The following DEFB119 variants were observed in gnomAD, a reference collection of about 807,000 sequenced individuals.
DEFB119 encodes the protein defensin beta 119.
Under a neutral mutation model 2.5 loss-of-function variants are expected in DEFB119, and 3 were observed. The ratio of observed to expected loss-of-function variants is 1.19; its 90% CI spans 0.54 to 3.07. DEFB119 has a LOEUF of 3.07. Ranked by LOEUF, DEFB119 falls within the 30% of genes most tolerant of loss-of-function variation. The pLI is 0.03. For synonymous variants in DEFB119, 29 were observed against 33.7 expected (o/e 0.86, Z 0.48); for missense variants, 113 against 101.1 (o/e 1.12, Z -0.50).
chr20:31,378,422 C>T (rs867308183), intron 1 of DEFB119: 1 of 1,613,578 alleles, frequency 6.2e-7, no homozygotes, highest in African/African-American at 1.3e-5. Context: ...CAACAAAGAT[C>T]ATTGAAATAT....
At chr20:31,389,007 C>A in intron 1 of DEFB119, 1 of 1,612,676 alleles carries the variant, frequency 6.2e-7, no homozygotes, top group Non-Finnish European at 8.5e-7. Flanking sequence ...CCCTAAGCAA[C>A]CTGAAACAAA....
At chr20:31,384,828 T>C (rs1013515300) in intron 1 of DEFB119, among the ~76,000 whole-genome samples, 4 of 152,218 alleles carry the variant, frequency 2.6e-5, no homozygotes, top group Non-Finnish European at 5.9e-5. Flanking sequence ...TCACTTCATG[T>C]GAGTGGTAAG....
chr20:31,385,531 G>A (rs1600513547), intron 1 of DEFB119, among the ~76,000 whole-genome samples: 2 of 152,088 alleles, frequency 1.3e-5, no homozygotes, highest in African/African-American at 4.8e-5. Flanking sequence ...CATAGCAAGG[G>A]TCAATGAGAA....
At chr20:31,385,880 A>T (rs750081206) in intron 1 of DEFB119, among the ~76,000 whole-genome samples, 1 of 151,990 alleles carries the variant, frequency 6.6e-6, no homozygotes, top group African/African-American at 2.4e-5. Context: ...AAAAAAAAAA[A>T]AGAGAGACAG....
At chr20:31,379,299 T>A (rs896124786) in intron 1 of DEFB119, among the ~76,000 whole-genome samples, 3 of 152,188 alleles carry the variant, frequency 2.0e-5, no homozygotes, top group African/African-American at 7.2e-5. Context: ...AGAAAAAGTT[T>A]GGAAAATCAC....
At chr20:31,378,204 G>T in intron 1 of DEFB119, 1 of 1,212,948 alleles carries the variant, frequency 8.2e-7, no homozygotes, top group Non-Finnish European at 1.2e-6. Flanking sequence ...AGAGGGCCTA[G>T]TGCAGAGTCA....
At chr20:31,386,816 T>TTC in intron 1 of DEFB119, among the ~76,000 whole-genome samples, 1 of 137,972 alleles carries the variant, frequency 7.2e-6, no homozygotes, top group African/African-American at 2.8e-5. Context: ...TTTTCTTTTT[T>TTC]TTTTTTTTTT....
intron 1 of DEFB119, among the ~76,000 whole-genome samples, chr20:31,384,554 G>C (rs1165341339): frequency 6.6e-6 from 1 of 152,124 alleles, no homozygotes; most frequent in Non-Finnish European, 1.5e-5. Context: ...AGGAATAATA[G>C]ATATGGTATG....
intron 1 of DEFB119, among the ~76,000 whole-genome samples, chr20:31,377,789 AC>A (rs1986356954): frequency 6.6e-6 from 1 of 152,098 alleles, no homozygotes; most frequent in African/African-American, 2.4e-5. Context: ...TGCTGGAGAG[AC>A]TGACAACCTG....
intron 1 of DEFB119, among the ~76,000 whole-genome samples, chr20:31,388,713 TTCTCCCACTCTTTAGGCA>T (rs1986805086): frequency 6.6e-6 from 1 of 152,046 alleles, no homozygotes; most frequent in Non-Finnish European, 1.5e-5. Context: ...AGCCTAAGGA[TTCTCCCACTCTTTAGGCA>T]TCTGCTATGC....
chr20:31,381,455 T>C (rs2122293886), intron 1 of DEFB119, among the ~76,000 whole-genome samples: 1 of 152,362 alleles, frequency 6.6e-6, no homozygotes, highest in Non-Finnish European at 1.5e-5. Context: ...ATGCAATGGC[T>C]AGAAATACTC....
intron 1 of DEFB119, among the ~76,000 whole-genome samples, chr20:31,382,170 G>A (rs1986528143): frequency 1.3e-5 from 2 of 152,120 alleles, no homozygotes; most frequent in Admixed American, 6.5e-5. Flanking sequence ...CTAAGCATTG[G>A]AGAAATCTGG....
chr20:31,388,005 C>T, intron 1 of DEFB119: 1 of 941,648 alleles, frequency 1.1e-6, no homozygotes, highest in Non-Finnish European at 1.3e-6. Context: ...CCATGCTTTA[C>T]CGAGCACTCT....
chr20:31,386,059 A>T (rs1178916787), intron 1 of DEFB119, among the ~76,000 whole-genome samples: 1 of 152,098 alleles, frequency 6.6e-6, no homozygotes, highest in African/African-American at 2.4e-5. Flanking sequence ...AGAGGGTTGC[A>T]GTGGCTGAAG....
chr20:31,383,646 TA>T (rs1396409842), intron 1 of DEFB119, among the ~76,000 whole-genome samples: 5 of 150,302 alleles, frequency 3.3e-5, no homozygotes, highest in Non-Finnish European at 5.9e-5. Context: ...CCATCCTGGC[TA>T]ACACGGTGAA....
intron 1 of DEFB119, among the ~76,000 whole-genome samples, chr20:31,387,392 T>C (rs1207737185): frequency 2.6e-5 from 4 of 152,226 alleles, no homozygotes; most frequent in African/African-American, 4.8e-5. Context: ...TGAAGGCTAC[T>C]GTGTCATGTC....
At chr20:31,378,033 G>A (rs1986364320) in intron 1 of DEFB119, among the ~76,000 whole-genome samples, 1 of 152,198 alleles carries the variant, frequency 6.6e-6, no homozygotes, top group African/African-American at 2.4e-5. Flanking sequence ...CTCCCAGAGT[G>A]GAACCCAAGT....
At position 31,390,407 on chromosome 20, in the gene DEFB119, G is replaced by C. The variant is rs573748142; in HGVS notation, c.61+16C>G. On this transcript the variant is annotated intron_variant, in intron 1 of 1. Coordinates refer to ENST00000376321, the MANE Select transcript of DEFB119 (RefSeq NM_153289.4). ...CATGACCAGGAACCCAGACCCCCGA[G>C]AGAGGTTCACGTTACCTGATATCAC... 3 of 1,611,098 alleles carry C rather than the reference G, an allele frequency of 1.9e-6. No individual in the cohort carries two copies. The highest frequency in any genetic ancestry group is 2.5e-6 in the Non-Finnish European group (3 of 1,178,014).
At chr20:31,381,646 T>C (rs1986510187) in intron 1 of DEFB119, among the ~76,000 whole-genome samples, 1 of 152,092 alleles carries the variant, frequency 6.6e-6, no homozygotes, top group Admixed American at 6.5e-5. Flanking sequence ...AACCCATCTC[T>C]ACAAAAAATA....
Sources: allele counts gnomAD v4.1 joint callset (sites outside exome capture counted in the v4.1 genomes callset), GRCh38; gene constraint gnomAD v4.1.1; transcripts MANE v1.5; gene names NCBI Gene and HGNC (gene_info 2026-07-23, HGNC 2026-07-21).